The following CHD2 variants were observed in gnomAD, a reference collection of about 807,000 sequenced individuals.
CHD2 encodes the protein chromodomain helicase DNA binding protein 2.
In CHD2, 28 loss-of-function variants were observed where a neutral mutation model predicts 243.9. The ratio of observed to expected loss-of-function variants is 0.11; its 90% CI spans 0.09 to 0.16. The LOEUF is 0.16. Among genes scored for constraint, CHD2 ranks in the 10% least tolerant of loss-of-function variants. The pLI is 1.00. For synonymous variants in CHD2, 775 were observed against 779.0 expected, an observed-to-expected ratio of 0.99 and a Z score of 0.09; for missense variants, 1,386 against 2,209.8, an observed-to-expected ratio of 0.63 and a Z score of 7.47.
At chr15:92,905,646 G>T (rs1374622827) in intron 2 of CHD2, among the ~76,000 whole-genome samples, 1 of 152,182 alleles carries the variant, frequency 6.6e-6, no homozygotes, top group African/African-American at 2.4e-5. Context: ...AGTGAGTTTT[G>T]TAGGTTCTCA....
At chr15:92,960,436 A>AG (rs369453708) in intron 16 of CHD2, among the ~76,000 whole-genome samples, 54 of 152,220 alleles carry the variant, frequency 3.5e-4, no homozygotes, top group African/African-American at 1.2e-3. Context: ...TATTGGGTTG[A>AG]GGAGGTTTTC....
In CHD2 at chr15:92,912,797, G is replaced by A. The variant is rs147572717; in HGVS notation, c.62+11498G>A. ...GATCCGCCAACCTTGTGATCCGCCC[G>A]CCTCGGCCTCCCAAAGTGCTGGGAT... On this transcript the variant is annotated intron_variant, in intron 2 of 38. Coordinates refer to ENST00000394196, the MANE Select transcript of CHD2 (RefSeq NM_001271.4). 8.2e-3 allele frequency among the ~76,000 whole-genome samples: 1,244 copies of A among 152,254 alleles called. 17 individuals are homozygous for A. Among genetic ancestry groups the A allele is most frequent in the African/African-American group, 0.029 (1,198 of 41,546 alleles).
At chr15:92,957,101 A>G (rs1462170412) in intron 16 of CHD2, among the ~76,000 whole-genome samples, 4 of 152,206 alleles carry the variant, frequency 2.6e-5, no homozygotes, top group Non-Finnish European at 4.4e-5. Flanking sequence ...TATGGGAGAG[A>G]TGATATGCAC....
rs1227392741 is a variant in CHD2 at position 92,992,862 on chromosome 15, G to C, written c.3459G>C (p.Leu1153=). Residue 1153 remains leucine (L), a synonymous_variant, in exon 28 of 39, where the codon CTG becomes CTC. Transcript: ENST00000394196. ...YKKFGLPLER[L]ECIARDAELV... is the part of the protein sequence containing the mutation. ...CCCCATATTTGTTCCTCCTCAGGCT[G>C]GAGTGCATAGCACGTGATGCTGAGC... 6.2e-7 allele frequency: 1 copy of C among 1,613,248 alleles called. No homozygotes were observed. The highest frequency in any genetic ancestry group is 8.5e-7 in the Non-Finnish European group (1 of 1,180,014).
At chr15:93,001,732 G>A (rs999391354) in intron 32 of CHD2, among the ~76,000 whole-genome samples, 1 of 152,072 alleles carries the variant, frequency 6.6e-6, no homozygotes, top group African/African-American at 2.4e-5. Context: ...GGCCAGGCTG[G>A]TGTCAAACTC....
intron 34 of CHD2, 35 bp downstream of exon 34, chr15:93,004,786 A>C: frequency 6.2e-7 from 1 of 1,600,802 alleles, no homozygotes; most frequent in Non-Finnish European, 8.5e-7. Context: ...CAGTGTCTGC[A>C]GCCGCGGTAC....
intron 24 of CHD2, among the ~76,000 whole-genome samples, chr15:92,982,797 G>C (rs564125589): frequency 1.3e-5 from 2 of 152,310 alleles, no homozygotes; most frequent in Admixed American, 6.5e-5. Context: ...GAGTGGGCCA[G>C]AGAGCCCTAG....
chr15:92,920,018 T>C (rs2052923876), intron 2 of CHD2, among the ~76,000 whole-genome samples: 1 of 152,220 alleles, frequency 6.6e-6, no homozygotes, highest in Non-Finnish European at 1.5e-5. Context: ...TTTTTGAAAT[T>C]ACACAAGTAA....
At chr15:92,914,513 G>T (rs1267336984) in intron 2 of CHD2, among the ~76,000 whole-genome samples, 1 of 152,202 alleles carries the variant, frequency 6.6e-6, no homozygotes, top group Non-Finnish European at 1.5e-5. Flanking sequence ...TAGTATGCAT[G>T]ATGAGGCTAA....
chr15:92,904,973 A>G (rs2052592506), intron 2 of CHD2: 2 of 1,535,914 alleles, frequency 1.3e-6, no homozygotes, highest in Non-Finnish European at 8.7e-7. Flanking sequence ...GGTACCGTAC[A>G]TTTTCTCAGT....
chr15:92,908,193 C>T (rs937545936), intron 2 of CHD2, among the ~76,000 whole-genome samples: 1 of 151,646 alleles, frequency 6.6e-6, no homozygotes, highest in South Asian at 2.1e-4. Flanking sequence ...GTCTCATTTC[C>T]CCTCTCAAGC....
rs559858025 is a variant in CHD2, at chr15:92,916,354, T to A, written c.63-7967T>A. Among the ~76,000 whole-genome samples the A allele has an allele frequency of 8.5e-5, 13 of 152,380 alleles. No homozygotes were observed. The South Asian group carries it at 2.7e-3, about 32-fold the overall frequency. On this transcript the variant is annotated intron_variant, in intron 2 of 38. Transcript: ENST00000394196. ...TTTGGGCTCACAGTATTTACAGACA[T>A]AATTCAGCCCTAATCTAGCTGCTGC...
intron 2 of CHD2, among the ~76,000 whole-genome samples, chr15:92,918,261 T>C (rs2141731375): frequency 1.3e-5 from 2 of 152,348 alleles, no homozygotes; most frequent in Middle Eastern, 6.8e-3. Context: ...ACCAAATTCT[T>C]TTTATCCACA....
chr15:92,979,070 C>G, intron 21 of CHD2, 65 bp from the exon 22 acceptor site: 3 of 1,575,936 alleles, frequency 1.9e-6, no homozygotes, highest in Non-Finnish European at 2.6e-6. Context: ...GCTAATCCTT[C>G]TCTCTTTTTT....
intron 2 of CHD2, among the ~76,000 whole-genome samples, chr15:92,914,597 TA>T (rs1325269529): frequency 3.3e-5 from 5 of 152,234 alleles, no homozygotes; most frequent in Non-Finnish European, 2.9e-5. Context: ...TTTCTGTCCT[TA>T]CTGCTGGATT....
At chr15:92,976,817 T>A (rs1422473122) in intron 20 of CHD2, among the ~76,000 whole-genome samples, 1 of 151,544 alleles carries the variant, frequency 6.6e-6, no homozygotes, top group Non-Finnish European at 1.5e-5. Context: ...GAGGATCCCT[T>A]GAGACCAGGA....
Position 92,997,228 on chromosome 15 carries a change from C to G in CHD2, c.3735-25C>G. 6.2e-7 allele frequency: 1 copy of G among 1,613,680 alleles called. No homozygotes were observed. Among genetic ancestry groups the G allele is most frequent in the East Asian group, 2.2e-5 (1 of 44,850 alleles). On this transcript the variant is annotated intron_variant, in intron 29 of 38. Transcript: ENST00000394196. The surrounding 1 kb of genome is among the most constrained non-coding windows in gnomAD (Gnocchi z 4.1). ...ACCAAAAAGGCCCCTCTTCTAATGT[C>G]TTCCTGTTTTTAAACTTTCTTTAGA...
rs763253950 is a variant in CHD2, at chr15:92,901,219, A to G, written c.-19A>G. ...CAAACACAGATTCCCCCTCCCCCTT[A>G]ATATTTAAGAATTAAAAGATGATGA... On this transcript the variant is annotated 5_prime_UTR_variant, in exon 2 of 39. Coordinates refer to ENST00000394196, the MANE Select transcript of CHD2 (RefSeq NM_001271.4). 4 of 1,508,264 alleles carry G rather than the reference A, an allele frequency of 2.7e-6. No homozygotes were observed. The highest frequency in any genetic ancestry group is 3.7e-6 in the Non-Finnish European group (4 of 1,087,114). 93.4% of individuals were successfully genotyped at this position (1,508,264 alleles called of 1,614,324 possible). A position where few individuals can be genotyped will look rare whatever the true frequency, so the allele number is the denominator to read the frequency against.
intron 2 of CHD2, among the ~76,000 whole-genome samples, chr15:92,910,289 A>G (rs927239352): frequency 6.6e-6 from 1 of 152,208 alleles, no homozygotes; most frequent in African/African-American, 2.4e-5. Context: ...GAAAGTCAGT[A>G]TAGCAAAAAT....
Sources: gnomAD v4.1 joint callset for allele counts (sites outside exome capture counted in the v4.1 genomes callset) on GRCh38, gnomAD v4.1.1 for gene constraint, Gnocchi (gnomAD v3.1) non-coding constraint, MANE v1.5 for transcripts, NCBI Gene and HGNC (gene_info 2026-07-23, HGNC 2026-07-21) for gene names.